The following CDH13 variants were observed in gnomAD, a reference collection of about 807,000 sequenced individuals.
CDH13 encodes cadherin 13, also known as cadherin-13.
CDH13 carries 24 observed loss-of-function variants against 63.8 expected under a neutral mutation model. That is an observed-to-expected ratio of 0.38 (90% confidence interval 0.27 to 0.53). The LOEUF (loss-of-function observed/expected upper bound fraction) is 0.53, where lower values mean the gene tolerates loss of function less well. Among genes scored for constraint, CDH13 ranks in the 20% least tolerant of loss-of-function variants. The probability of loss-of-function intolerance (pLI) is 0.85; values close to 1 mark genes in which losing one functional copy is unlikely to be tolerated. For missense variants in CDH13, 1,049 were observed against 903.1 expected, an observed-to-expected ratio of 1.16 and a Z score of -2.07; for synonymous variants, 503 against 355.3, an observed-to-expected ratio of 1.42 and a Z score of -4.67.
intron 6 of CDH13, among the ~76,000 whole-genome samples, chr16:83,359,359 C>G (rs931588159): frequency 6.6e-6 from 1 of 152,144 alleles, no homozygotes; most frequent in Non-Finnish European, 1.5e-5. Context: ...AAGTAGATAT[C>G]AGGCTTTGAG....
chr16:82,760,068 T>A (rs2034773841), intron 1 of CDH13, among the ~76,000 whole-genome samples: 1 of 152,202 alleles, frequency 6.6e-6, no homozygotes, highest in South Asian at 2.1e-4. Flanking sequence ...TACTCTAATC[T>A]TGTCTTTTCC....
rs567911345 is a variant in CDH13 at position 83,263,884 on chromosome 16, T to A, written c.636+46387T>A. Among the ~76,000 whole-genome samples, 856 of 150,938 alleles carry A rather than the reference T, an allele frequency of 5.7e-3. 6 individuals carry two copies. Among genetic ancestry groups the A allele is most frequent in the South Asian group, 0.033 (156 of 4,774 alleles). ...ACTACTTGCCACTGAGGCTGAATTT[T>A]TTAAAAAAAATAATGATAGCAGAAA... On this transcript the variant is annotated intron_variant, in intron 5 of 13. Transcript: ENST00000567109.
intron 4 of CDH13, among the ~76,000 whole-genome samples, chr16:83,199,654 C>T (rs755616668): frequency 2.6e-5 from 4 of 152,182 alleles, no homozygotes; most frequent in African/African-American, 7.2e-5. Context: ...AATTACTCTC[C>T]GTGACTGTTA....
chr16:82,734,335 A>T (rs2033558628), intron 1 of CDH13, among the ~76,000 whole-genome samples: 1 of 152,194 alleles, frequency 6.6e-6, no homozygotes, highest in Admixed American at 6.5e-5. Context: ...GAAAAAAAAA[A>T]TGTGTCCACC....
intron 2 of CDH13, among the ~76,000 whole-genome samples, chr16:83,024,625 C>T (rs1915634774): frequency 6.6e-6 from 1 of 152,164 alleles, no homozygotes; most frequent in Non-Finnish European, 1.5e-5. Context: ...AAAGTTCCTA[C>T]CTCAAATTGA....
intron 11 of CDH13, among the ~76,000 whole-genome samples, chr16:83,776,426 G>T (rs117152253): frequency 6.6e-6 from 1 of 152,174 alleles, no homozygotes; most frequent in Non-Finnish European, 1.5e-5. Flanking sequence ...TTGAGTTTGC[G>T]CTCTAACGAA....
At chr16:83,020,775 G>A (rs1461133983) in intron 2 of CDH13, among the ~76,000 whole-genome samples, 2 of 152,140 alleles carry the variant, frequency 1.3e-5, no homozygotes, top group Non-Finnish European at 1.5e-5. Flanking sequence ...TTCCTCCCCA[G>A]GTATATCTGC....
At chr16:83,265,256 C>A (rs549487473) in intron 5 of CDH13, among the ~76,000 whole-genome samples, 6 of 152,298 alleles carry the variant, frequency 3.9e-5, no homozygotes, top group African/African-American at 1.4e-4. Context: ...CTCTGTTTGC[C>A]TTTGTCCTGT....
chr16:83,236,798 G>C (rs1017709686), intron 5 of CDH13, among the ~76,000 whole-genome samples: 13 of 152,268 alleles, frequency 8.5e-5, no homozygotes, highest in African/African-American at 3.1e-4. Flanking sequence ...AGAAACACAA[G>C]TTAGATGAGT....
chr16:83,305,103 G>T (rs1350369315), intron 5 of CDH13, among the ~76,000 whole-genome samples: 2 of 152,254 alleles, frequency 1.3e-5, no homozygotes, highest in East Asian at 3.9e-4. Context: ...TGTCCTGGGG[G>T]GACTCTCCTG....
chr16:82,749,580 A>T (rs934851649), intron 1 of CDH13, among the ~76,000 whole-genome samples: 10 of 152,228 alleles, frequency 6.6e-5, no homozygotes, highest in African/African-American at 1.4e-4. Context: ...AGTCACATAC[A>T]GAGTGAGAGA....
intron 5 of CDH13, among the ~76,000 whole-genome samples, chr16:83,220,235 T>A: frequency 6.6e-6 from 1 of 152,188 alleles, no homozygotes. Flanking sequence ...AGAAGCAAGT[T>A]TGAGGAAGAG....
chr16:83,055,649 T>G (rs965760763), intron 3 of CDH13, among the ~76,000 whole-genome samples: 1 of 152,032 alleles, frequency 6.6e-6, no homozygotes, highest in African/African-American at 2.4e-5. Context: ...GATGGCTTCA[T>G]GGTAAATTCC....
At chr16:83,154,689 A>G (rs2037133448) in intron 4 of CDH13, among the ~76,000 whole-genome samples, 1 of 152,218 alleles carries the variant, frequency 6.6e-6, no homozygotes, top group Non-Finnish European at 1.5e-5. Context: ...ACTCTCAGGT[A>G]CCATGCCAGG....
At chr16:83,410,184 T>C (rs2092105753) in intron 6 of CDH13, among the ~76,000 whole-genome samples, 1 of 152,130 alleles carries the variant, frequency 6.6e-6, no homozygotes, top group East Asian at 1.9e-4. Flanking sequence ...AGATGCCAAG[T>C]TGTTAATGGA....
intron 4 of CDH13, among the ~76,000 whole-genome samples, chr16:83,208,959 A>C (rs763498225): frequency 2.0e-5 from 3 of 152,084 alleles, no homozygotes; most frequent in Non-Finnish European, 4.4e-5. Context: ...GGAGGGTATT[A>C]AGTCCCTTTT....
At chr16:82,971,181 C>T (rs1908689428) in intron 2 of CDH13, among the ~76,000 whole-genome samples, 1 of 152,178 alleles carries the variant, frequency 6.6e-6, no homozygotes, top group Non-Finnish European at 1.5e-5. Context: ...GACTCTAAGG[C>T]TTATGTTTTA....
intron 2 of CDH13, among the ~76,000 whole-genome samples, chr16:82,926,465 C>G (rs1209803951): frequency 2.0e-5 from 3 of 152,196 alleles, no homozygotes; most frequent in Admixed American, 6.5e-5. Context: ...CTCAGCCTGT[C>G]CAGATTGCTA....
At position 83,007,951 on chromosome 16, in the gene CDH13, C is replaced by A. The variant is rs535088043; in HGVS notation, c.158-24059C>A. ...TAAGTCAGGTTATATTTGTCCTTTT[C>A]CTCAATTGTTCCTACCTACCTACCG... On this transcript the variant is annotated intron_variant, in intron 2 of 13. Transcript: ENST00000567109. Among the ~76,000 whole-genome samples the A allele has an allele frequency of 2.0e-5, 3 of 152,244 alleles. No individual in the cohort carries two copies. In the East Asian group the frequency reaches 5.8e-4, roughly 29 times the overall value.
Sources: gnomAD v4.1 joint callset for allele counts (sites outside exome capture counted in the v4.1 genomes callset) on GRCh38, gnomAD v4.1.1 for gene constraint, MANE v1.5 for transcripts, NCBI Gene and HGNC (gene_info 2026-07-23, HGNC 2026-07-21) for gene names.